Variants in RAB22A observed in about 807,000 individuals in gnomAD.
The protein encoded by RAB22A is ras-related protein Rab-22A.
RAB22A carries 13 observed loss-of-function variants against 30.2 expected under a neutral mutation model. The observed-to-expected ratio is 0.43, with a 90% confidence interval of 0.28 to 0.68. The LOEUF is 0.68. Ranked by LOEUF, RAB22A falls within the 30% of genes least tolerant of loss-of-function variation. The pLI is 0.18. For synonymous variants in RAB22A, 89 were observed against 87.2 expected, an observed-to-expected ratio of 1.02 and a Z score of -0.11; for missense variants, 177 against 246.8, an observed-to-expected ratio of 0.72 and a Z score of 1.89.
At position 58,309,862 on chromosome 20, in the gene RAB22A, C is replaced by A; in HGVS notation, c.-115C>A. On this transcript the variant is annotated 5_prime_UTR_variant, in exon 1 of 7. Coordinates refer to ENST00000244040, the MANE Select transcript of RAB22A (RefSeq NM_020673.3). ...AGGACGGGCGGCAGCCGCCTCTGCG[C>A]GGACCGGGGCTGGGCCGTGCGGCGG... 1.9e-6 allele frequency: 2 copies of A among 1,072,362 alleles called. No homozygotes were observed. The highest frequency in any genetic ancestry group is 4.8e-5 in the South Asian group (1 of 20,882). The allele number at this position is 1,072,362 out of a possible 1,614,324, so 66.4% of individuals were successfully genotyped here. A position where few individuals can be genotyped will look rare whatever the true frequency, so the allele number is the denominator to read the frequency against.
chr20:58,314,262 A>G (rs781393918), intron 2 of RAB22A, among the ~76,000 whole-genome samples: 2 of 152,102 alleles, frequency 1.3e-5, no homozygotes, highest in Non-Finnish European at 2.9e-5. Flanking sequence ...ACAGGGTTTC[A>G]CCATGTTGGC....
In RAB22A at chr20:58,310,031, G is replaced by C. The variant is rs1176254681; in HGVS notation, c.36+19G>C. The C allele has an allele frequency of 7.9e-7, 1 of 1,266,044 alleles. No individual in the cohort carries two copies. The highest frequency in any genetic ancestry group is 4.0e-5 in the Admixed American group (1 of 24,950). The allele number at this position is 1,266,044 out of a possible 1,614,324, so 78.4% of individuals were successfully genotyped here. On this transcript the variant is annotated intron_variant, in intron 1 of 6. Transcript: ENST00000244040. ...GCTCGGGGTGAGTGGCGGCGGGTCC[G>C]GCCGGGAGGGCCACGGGAGGCTGGG...
chr20:58,319,991 T>C (rs1236915313), intron 2 of RAB22A, among the ~76,000 whole-genome samples: 1 of 152,216 alleles, frequency 6.6e-6, no homozygotes. Flanking sequence ...TTGGTCATTA[T>C]GCATTATTAT....
At chr20:58,312,511 T>C (rs1986249858) in intron 2 of RAB22A, among the ~76,000 whole-genome samples, 1 of 107,720 alleles carries the variant, frequency 9.3e-6, no homozygotes, top group East Asian at 3.4e-4. Context: ...TTTTTTGAGG[T>C]GGAGTCTCGC....
intron 5 of RAB22A, among the ~76,000 whole-genome samples, chr20:58,353,759 C>T (rs1031274990): frequency 1.3e-5 from 2 of 152,158 alleles, no homozygotes; most frequent in Non-Finnish European, 2.9e-5. Flanking sequence ...TACGGAAATA[C>T]TGGTTGCGTT....
chr20:58,347,661 C>CA (rs1986974851), intron 3 of RAB22A, among the ~76,000 whole-genome samples: 1 of 152,152 alleles, frequency 6.6e-6, no homozygotes, highest in Non-Finnish European at 1.5e-5. Flanking sequence ...TAAGGTTTTT[C>CA]AAATACCAGA....
At position 58,349,810 on chromosome 20, in the gene RAB22A, C is replaced by T. The variant is rs78633580; in HGVS notation, c.199-3463C>T. Among the ~76,000 whole-genome samples, 1,122 of 152,322 alleles carry T rather than the reference C, an allele frequency of 7.4e-3. 12 individuals carry two copies. The highest frequency in any genetic ancestry group is 0.026 in the African/African-American group (1,077 of 41,556). On this transcript the variant is annotated intron_variant, in intron 3 of 6. Coordinates refer to ENST00000244040, the MANE Select transcript of RAB22A (RefSeq NM_020673.3). ...AGAAAAAAACCAAGCGTCTACAGTGCATCATCCACACTGTCCAGTGGACAG... is the reference window on the plus strand; with the variant it reads ...AGAAAAAAACCAAGCGTCTACAGTGTATCATCCACACTGTCCAGTGGACAG...
chr20:58,324,723 T>G (rs1986524925), intron 2 of RAB22A, among the ~76,000 whole-genome samples: 1 of 150,598 alleles, frequency 6.6e-6, no homozygotes, highest in South Asian at 2.1e-4. Context: ...AAAAATTAGC[T>G]GGGCATGGGG....
intron 2 of RAB22A, among the ~76,000 whole-genome samples, chr20:58,321,610 G>C (rs1986462332): frequency 6.6e-6 from 1 of 152,162 alleles, no homozygotes; most frequent in South Asian, 2.1e-4. Context: ...TGCAGTAAAA[G>C]AGTATTTGAA....
At chr20:58,355,439 A>G (rs1009386105) in intron 6 of RAB22A, among the ~76,000 whole-genome samples, 1 of 152,122 alleles carries the variant, frequency 6.6e-6, no homozygotes, top group Non-Finnish European at 1.5e-5. Context: ...AGTACTTTGC[A>G]GGCCTAAGGA....
chr20:58,310,097 C>A (rs1986191038), intron 1 of RAB22A, 85 bp downstream of exon 1: 4 of 1,142,124 alleles, frequency 3.5e-6, no homozygotes, highest in Admixed American at 4.6e-5. Context: ...CTCATCCCTT[C>A]CCCCCTCCCA....
rs1987152843 is a variant in RAB22A at position 58,357,587 on chromosome 20, A to G, written c.488-2019A>G. Among the ~76,000 whole-genome samples the G allele has an allele frequency of 1.3e-5, 2 of 152,160 alleles. 1 individual carries two copies. Among genetic ancestry groups the G allele is most frequent in the South Asian group, 4.1e-4 (2 of 4,836 alleles). On this transcript the variant is annotated intron_variant, in intron 6 of 6. Coordinates refer to ENST00000244040, the MANE Select transcript of RAB22A (RefSeq NM_020673.3). The stretch of plus-strand genomic sequence containing the variant: ...TCCTCTTATTTCTTTTAAAAATATT[A>G]TTTGTTCAACAATTTTTTGATGTCA...
chr20:58,344,164 T>C (rs1345857980), intron 3 of RAB22A, among the ~76,000 whole-genome samples: 1 of 152,210 alleles, frequency 6.6e-6, no homozygotes, highest in East Asian at 1.9e-4. Context: ...GCACAACTCA[T>C]TTATCGCTGC....
chr20:58,310,132 C>G (rs1986192337), intron 1 of RAB22A, 120 bp downstream of exon 1: 1 of 1,033,466 alleles, frequency 9.7e-7, no homozygotes, highest in African/African-American at 1.7e-5. Flanking sequence ...TCTGCCAGCC[C>G]CGTGGACCCT....
chr20:58,353,671 T>A (rs530525171), intron 5 of RAB22A, 133 bp downstream of exon 5: 8 of 786,852 alleles, frequency 1.0e-5, no homozygotes, highest in African/African-American at 8.8e-5. Context: ...GTGGTTGGAG[T>A]CCTAAATTTT....
intron 6 of RAB22A, among the ~76,000 whole-genome samples, chr20:58,355,239 G>A (rs1445375151): frequency 1.3e-5 from 2 of 152,180 alleles, no homozygotes; most frequent in Non-Finnish European, 2.9e-5. Context: ...AGCCCACCAA[G>A]GCCAGGCAAG....
chr20:58,353,576 G>A (rs1320719258), intron 5 of RAB22A, 38 bp downstream of exon 5: 1 of 1,450,242 alleles, frequency 6.9e-7, no homozygotes, highest in African/African-American at 1.4e-5. Context: ...TACCTATTAT[G>A]TGTTCCTTTT....
intron 2 of RAB22A, among the ~76,000 whole-genome samples, chr20:58,318,021 C>G (rs1476469101): frequency 6.6e-6 from 1 of 152,194 alleles, no homozygotes; most frequent in East Asian, 1.9e-4. Flanking sequence ...TACGCATCAC[C>G]ATGCCTTGCT....
intron 2 of RAB22A, among the ~76,000 whole-genome samples, chr20:58,325,028 A>G (rs1986538486): frequency 7.1e-6 from 1 of 140,568 alleles, no homozygotes; most frequent in African/African-American, 2.7e-5. Flanking sequence ...TACAAAAATT[A>G]GCTGGGTGTG....
Sources: gnomAD v4.1 joint callset for allele counts (sites outside exome capture counted in the v4.1 genomes callset) on GRCh38, gnomAD v4.1.1 for gene constraint, MANE v1.5 for transcripts, NCBI Gene and HGNC (gene_info 2026-07-23, HGNC 2026-07-21) for gene names.